ARHGAP26: variants seen among roughly 807,000 people sequenced by gnomAD.
The protein encoded by ARHGAP26 is Rho GTPase activating protein 26, also known as rho GTPase-activating protein 26.
A neutral mutation model predicts 104.8 loss-of-function variants in ARHGAP26; 38 were observed. The ratio of observed to expected loss-of-function variants is 0.36; its 90% CI spans 0.28 to 0.48. The LOEUF is 0.48. Ranked by LOEUF, ARHGAP26 falls within the 20% of genes least tolerant of loss-of-function variation. ARHGAP26 has a pLI of 0.99. For synonymous variants in ARHGAP26, 341 were observed against 340.0 expected, an observed-to-expected ratio of 1.00 and a Z score of -0.03; for missense variants, 704 against 947.9, an observed-to-expected ratio of 0.74 and a Z score of 3.38.
chr5:142,984,958 C>A (rs1042441154), intron 11 of ARHGAP26, among the ~76,000 whole-genome samples: 4 of 151,942 alleles, frequency 2.6e-5, no homozygotes, highest in African/African-American at 9.7e-5. Flanking sequence ...TAAACAAGAC[C>A]TTCAGGCGGT....
intron 1 of ARHGAP26, among the ~76,000 whole-genome samples, chr5:142,822,986 T>A (rs1766489696): frequency 6.6e-6 from 1 of 152,222 alleles, no homozygotes. Flanking sequence ...ATATGAATGA[T>A]GTTGATAATA....
chr5:142,796,269 A>G (rs976110514), intron 1 of ARHGAP26, among the ~76,000 whole-genome samples: 1 of 152,204 alleles, frequency 6.6e-6, no homozygotes, highest in Non-Finnish European at 1.5e-5. Context: ...CTCTCTGGCC[A>G]AAGAAGACAT....
chr5:143,144,753 G>T (rs1290130952), intron 19 of ARHGAP26, among the ~76,000 whole-genome samples: 9 of 152,136 alleles, frequency 5.9e-5, no homozygotes, highest in Non-Finnish European at 1.3e-4. Context: ...TGTAAAATTT[G>T]TCTTGGTATA....
chr5:142,873,676 G>C (rs546944631), intron 2 of ARHGAP26, among the ~76,000 whole-genome samples, 181 bp downstream of exon 2: 2 of 152,134 alleles, frequency 1.3e-5, no homozygotes, highest in African/African-American at 4.8e-5. Context: ...TGGTCTTCTC[G>C]AGTTTTGGGA....
intron 1 of ARHGAP26, among the ~76,000 whole-genome samples, chr5:142,843,283 A>T (rs1771177081): frequency 1.3e-5 from 2 of 152,144 alleles, no homozygotes; most frequent in Admixed American, 6.5e-5. Context: ...TGAGGCAAAG[A>T]GTGTGATCAC....
chr5:142,868,549 G>A (rs1166775169), intron 1 of ARHGAP26, among the ~76,000 whole-genome samples: 1 of 152,134 alleles, frequency 6.6e-6, no homozygotes, highest in African/African-American at 2.4e-5. Context: ...GGAAGGAGTG[G>A]GCAGAATTGA....
chr5:143,027,870 A>G (rs1306435673), intron 12 of ARHGAP26, among the ~76,000 whole-genome samples: 2 of 152,182 alleles, frequency 1.3e-5, no homozygotes, highest in Admixed American at 6.5e-5. Context: ...GGGTTCTCGC[A>G]TGTACTGATG....
At chr5:142,803,571 C>T (rs773910409) in intron 1 of ARHGAP26, among the ~76,000 whole-genome samples, 3 of 152,142 alleles carry the variant, frequency 2.0e-5, no homozygotes, top group Admixed American at 1.3e-4. Context: ...ATAAGCCGGA[C>T]GGAAATCTCT....
At chr5:142,912,477 T>C (rs1483886976) in intron 9 of ARHGAP26, among the ~76,000 whole-genome samples, 1 of 152,162 alleles carries the variant, frequency 6.6e-6, no homozygotes, top group East Asian at 1.9e-4. Context: ...TTTGCTGGCT[T>C]GGTTGTGGTG....
chr5:143,203,085 T>C (rs1808013973), intron 20 of ARHGAP26: 1 of 152,122 alleles, frequency 6.6e-6, no homozygotes, highest in Non-Finnish European at 1.5e-5. Flanking sequence ...TGTGATCTAA[T>C]TAAACTAAAA....
chr5:143,155,164 G>T (rs1169309697), intron 20 of ARHGAP26, among the ~76,000 whole-genome samples: 1 of 152,124 alleles, frequency 6.6e-6, no homozygotes, highest in Non-Finnish European at 1.5e-5. Flanking sequence ...GTTTTCAAAA[G>T]GATTCATTTG....
At chr5:142,829,942 C>G (rs1481857078) in intron 1 of ARHGAP26, among the ~76,000 whole-genome samples, 1 of 152,180 alleles carries the variant, frequency 6.6e-6, no homozygotes. Flanking sequence ...GGTTTAAGCT[C>G]AGGCCTTTAT....
chr5:143,087,941 G>A (rs1033476167), intron 17 of ARHGAP26, among the ~76,000 whole-genome samples: 2 of 151,926 alleles, frequency 1.3e-5, no homozygotes, highest in Non-Finnish European at 2.9e-5. Context: ...GAGCCACCAC[G>A]CCTGGCCTAT....
intron 11 of ARHGAP26, among the ~76,000 whole-genome samples, chr5:142,941,930 A>G (rs1442962101): frequency 6.6e-6 from 1 of 152,168 alleles, no homozygotes; most frequent in African/African-American, 2.4e-5. Context: ...TTGAGCAAAT[A>G]TATTTAGATT....
intron 5 of ARHGAP26, 57 bp downstream of exon 5, chr5:142,885,456 G>A: frequency 1.4e-6 from 2 of 1,464,690 alleles, no homozygotes; most frequent in East Asian, 4.6e-5. Flanking sequence ...TGATGCTGTG[G>A]ATATGTGCTG....
intron 1 of ARHGAP26, among the ~76,000 whole-genome samples, chr5:142,873,001 T>G (rs970888789): frequency 6.6e-6 from 1 of 152,198 alleles, no homozygotes; most frequent in South Asian, 2.1e-4. Context: ...GTCAGACTTG[T>G]GGGGGAAACT....
chr5:143,144,852 T>C (rs1798977408), intron 19 of ARHGAP26, among the ~76,000 whole-genome samples: 1 of 152,268 alleles, frequency 6.6e-6, no homozygotes. Flanking sequence ...CTACTTACCG[T>C]CAGTAAAGAT....
At chr5:142,922,764 C>T (rs1428478062) in intron 10 of ARHGAP26, among the ~76,000 whole-genome samples, 1 of 152,200 alleles carries the variant, frequency 6.6e-6, no homozygotes, top group Non-Finnish European at 1.5e-5. Flanking sequence ...CCTGGTGCAA[C>T]GTGCCTTTAT....
intron 20 of ARHGAP26, among the ~76,000 whole-genome samples, chr5:143,196,789 G>A (rs961040741): frequency 1.3e-5 from 2 of 152,232 alleles, no homozygotes; most frequent in Non-Finnish European, 2.9e-5. Context: ...AGAAGGCAGA[G>A]CTTTGCCTTG....
Sources: gnomAD v4.1 joint callset for allele counts (sites outside exome capture counted in the v4.1 genomes callset) on GRCh38, gnomAD v4.1.1 for gene constraint, MANE v1.5 for transcripts, NCBI Gene and HGNC (gene_info 2026-07-23, HGNC 2026-07-21) for gene names.